The following FOXC2 variants were observed in gnomAD, a reference collection of about 807,000 sequenced individuals.
FOXC2 encodes forkhead box protein C2.
A neutral mutation model predicts 7.2 loss-of-function variants in FOXC2; 7 were observed. The observed-to-expected ratio is 0.97, with a 90% CI of 0.55 to 1.81. The LOEUF (loss-of-function observed/expected upper bound fraction) is 1.81, where lower values mean the gene tolerates loss of function less well. Ranked by LOEUF, FOXC2 falls within the 40% of genes most tolerant of loss-of-function variation. FOXC2 has a pLI of 0.00. For synonymous variants in FOXC2, 436 were observed against 350.4 expected (o/e 1.24, Z -2.73); for missense variants, 846 against 741.2 (o/e 1.14, Z -1.64).
chr16:86,568,484 C>A lies in FOXC2; in HGVS notation c.1149C>A (p.Ala383=), dbSNP rs1379344558. Residue 383 remains alanine (A), a synonymous_variant, in exon 1 of 1, where the codon GCC becomes GCA. Coordinates refer to ENST00000649859, the MANE Select transcript of FOXC2 (RefSeq NM_005251.3). The surrounding 1 kb of genome is among the most constrained non-coding windows in gnomAD (Gnocchi z 5.2). The stretch of plus-strand genomic sequence containing the variant: ...CCGCCGGCCAGGAGGGCGCGCTCGC[C>A]GCCACGGGCCACCACCACCAGCACC... The part of the protein sequence containing the change: ...NLAAGQEGAL[A]ATGHHHQHHG... 1 of 1,302,790 alleles carries A rather than the reference C, an allele frequency of 7.7e-7. No individual in the cohort carries two copies. Among genetic ancestry groups the A allele is most frequent in the Non-Finnish European group, 9.8e-7 (1 of 1,022,178 alleles). 80.7% of individuals were successfully genotyped at this position (1,302,790 alleles called of 1,614,324 possible). A position where few individuals can be genotyped will look rare whatever the true frequency, so the allele number is the denominator to read the frequency against.
chr16:86,567,744 G>A lies in FOXC2; in HGVS notation c.409G>A (p.Asp137Asn). 6.2e-7 allele frequency: 1 copy of A among 1,614,184 alleles called. No homozygotes were observed. Among genetic ancestry groups the A allele is most frequent in the Admixed American group, 1.7e-5 (1 of 60,036 alleles). ...GTGCTTCGTCAAGGTGCCCCGCGAC[G>A]ACAAGAAGCCCGGCAAGGGCAGTTA... Reference protein sequence around the residue: ...NECFVKVPRDDKKPGKGSYWT... With the variant: ...NECFVKVPRDNKKPGKGSYWT... Residue 137 changes from aspartate (D) to asparagine (N), a missense_variant, in exon 1 of 1, where the codon GAC (aspartate) becomes AAC (asparagine). Transcript: ENST00000649859.
At position 86,568,648 on chromosome 16, in the gene FOXC2, A is replaced by G; in HGVS notation, c.1313A>G (p.His438Arg). The change falls in exon 1 of 1, where the codon CAC becomes CGC. Residue 438 changes from histidine to arginine, a missense_variant. Coordinates refer to ENST00000649859, the MANE Select transcript of FOXC2 (RefSeq NM_005251.3). This position sits in a 1 kb window ranked among gnomAD's most constrained non-coding sequence, Gnocchi z 5.2. ...GGGGACCTGAACCACCTCCCCGGCC[A>G]CACGTTCGCGGCCCAGCAGCAAACT... ...HSGDLNHLPG[H>R]TFAAQQQTFP... The G allele has an allele frequency of 6.2e-7, 1 of 1,612,426 alleles. No individual in the cohort carries two copies. Among genetic ancestry groups the G allele is most frequent in the Non-Finnish European group, 8.5e-7 (1 of 1,179,880 alleles).
Position 86,568,059 on chromosome 16 carries a change from C to G in FOXC2, c.724C>G (p.Arg242Gly). The change falls in exon 1 of 1, where the codon CGC (arginine) becomes GGC (glycine). Residue 242 changes from arginine (R) to glycine (G), a missense_variant. By Grantham distance (125) the Arg-to-Gly change is moderately radical. Transcript: ENST00000649859. This position sits in a 1 kb window ranked among gnomAD's most constrained non-coding sequence, Gnocchi z 5.2. ...CGAGAGCGCGCTGCAGGGCAGCCCG[C>G]GCAGCGCGGCCTCCACGCCCGCCGG... ...SPESALQGSP[R>G]SAASTPAGSP... is the part of the protein sequence containing the mutation. 6.9e-7 allele frequency: 1 copy of G among 1,447,484 alleles called. No individual in the cohort carries two copies. Among genetic ancestry groups the G allele is most frequent in the Non-Finnish European group, 9.0e-7 (1 of 1,111,226 alleles). 89.7% of individuals were successfully genotyped at this position (1,447,484 alleles called of 1,614,324 possible).
At position 86,568,842 on chromosome 16, in the gene FOXC2, C is replaced by T. The variant is rs754202239; in HGVS notation, c.*1C>T. 2 of 1,612,652 alleles carry T rather than the reference C, an allele frequency of 1.2e-6. No individual in the cohort carries two copies. Among genetic ancestry groups the T allele is most frequent in the South Asian group, 2.2e-5 (2 of 91,054 alleles). On this transcript the variant is annotated 3_prime_UTR_variant, in exon 1 of 1. Coordinates refer to ENST00000649859, the MANE Select transcript of FOXC2 (RefSeq NM_005251.3). The surrounding 1 kb of genome is among the most constrained non-coding windows in gnomAD (Gnocchi z 5.2). ...CTCCTACGACTGCACGAAATACTGACGTGTCCCGGGACCTCCCCTCCCCGG... is the reference window on the plus strand; with the variant it reads ...CTCCTACGACTGCACGAAATACTGATGTGTCCCGGGACCTCCCCTCCCCGG...
In FOXC2 at chr16:86,567,106, C is replaced by A. The variant is rs1406479336; in HGVS notation, c.-230C>A. On this transcript the variant is annotated 5_prime_UTR_variant, in exon 1 of 1. Coordinates refer to ENST00000649859, the MANE Select transcript of FOXC2 (RefSeq NM_005251.3). ...GCGCTGCGCTTGCCCGGGGCGCGCC[C>A]TCCAGGATGCCGATCCGCCCGGTCC... The A allele has an allele frequency of 3.5e-6, 1 of 289,018 alleles. No homozygotes were observed. The highest frequency in any genetic ancestry group is 5.4e-5 in the Admixed American group (1 of 18,412). 17.9% of individuals were successfully genotyped at this position (289,018 alleles called of 1,614,324 possible). A position where few individuals can be genotyped will look rare whatever the true frequency, so the allele number is the denominator to read the frequency against.
chr16:86,567,258 T>C lies in FOXC2; in HGVS notation c.-78T>C. On this transcript the variant is annotated 5_prime_UTR_variant, in exon 1 of 1. Coordinates refer to ENST00000649859, the MANE Select transcript of FOXC2 (RefSeq NM_005251.3). ...CTCCCCCTCTGGCTCTCTCGCGCTC[T>C]CTCGCTCTCAGGGCCCCCCTCGCTC... 2 of 1,549,618 alleles carry C rather than the reference T, an allele frequency of 1.3e-6. No individual in the cohort carries two copies. The highest frequency in any genetic ancestry group is 1.4e-5 in the African/African-American group (1 of 73,636).
rs901865113 is a variant in FOXC2, at chr16:86,569,481, T to C, written c.*640T>C. 2 of 167,448 alleles carry C rather than the reference T, an allele frequency of 1.2e-5. No individual in the cohort carries two copies. Among genetic ancestry groups the C allele is most frequent in the Non-Finnish European group, 1.5e-5 (1 of 68,404 alleles). 10.4% of individuals were successfully genotyped at this position (167,448 alleles called of 1,614,324 possible). ...TACAATTATGAGATATAATTCTTTT[T>C]CCCATTGTAGGTCTTTTACAAAACA... On this transcript the variant is annotated 3_prime_UTR_variant, in exon 1 of 1. Transcript: ENST00000649859.
Position 86,567,350 on chromosome 16 carries a change from C to T in FOXC2, c.15C>T (p.Tyr5=). MQAR[Y]SVSDPNALGV... ...TCGGAAGCAGCATGCAGGCGCGCTA[C>T]TCCGTGTCCGACCCCAACGCCCTGG... is the stretch of plus-strand genomic sequence containing the variant. The change falls in exon 1 of 1, where the codon TAC becomes TAT. Residue 5 remains tyrosine (Y), a synonymous_variant. Transcript: ENST00000649859. 1.9e-6 allele frequency: 3 copies of T among 1,612,954 alleles called. No individual in the cohort carries two copies. Among genetic ancestry groups the T allele is most frequent in the Non-Finnish European group, 2.5e-6 (3 of 1,179,838 alleles).
Position 86,567,237 on chromosome 16 carries a change from C to T in FOXC2, c.-99C>T, listed in dbSNP as rs1408956782. 6 of 1,404,928 alleles carry T rather than the reference C, an allele frequency of 4.3e-6. No individual in the cohort carries two copies. The highest frequency in any genetic ancestry group is 4.9e-5 in the East Asian group (2 of 41,138). 87.0% of individuals were successfully genotyped at this position (1,404,928 alleles called of 1,614,324 possible). ...CGCCCCTCCCGCTCCCCTCCTCTCCCCCTCTGGCTCTCTCGCGCTCTCTCG... is the reference window on the plus strand; with the variant it reads ...CGCCCCTCCCGCTCCCCTCCTCTCCTCCTCTGGCTCTCTCGCGCTCTCTCG... On this transcript the variant is annotated 5_prime_UTR_variant, in exon 1 of 1. Transcript: ENST00000649859.
In FOXC2 at chr16:86,568,857, CCCCTCCCCGG is replaced by C. The variant is rs781441990; in HGVS notation, c.*20_*29del. 18 of 1,612,104 alleles carry C rather than the reference CCCCTCCCCGG, an allele frequency of 1.1e-5. No individual in the cohort carries two copies. Among genetic ancestry groups the C allele is most frequent in the Non-Finnish European group, 1.4e-5 (16 of 1,179,468 alleles). On this transcript the variant is annotated 3_prime_UTR_variant, in exon 1 of 1. Transcript: ENST00000649859. The surrounding 1 kb of genome is among the most constrained non-coding windows in gnomAD (Gnocchi z 5.2). ...GAAATACTGACGTGTCCCGGGACCT[CCCCTCCCCGG>C]CCCGCTCCGGCTTCGCTTCCCAGCC...
chr16:86,568,492 G>C lies in FOXC2; in HGVS notation c.1157G>C (p.Gly386Ala). The C allele has an allele frequency of 7.7e-7, 1 of 1,302,124 alleles. No homozygotes were observed. Among genetic ancestry groups the C allele is most frequent in the South Asian group, 2.1e-5 (1 of 48,300 alleles). 80.7% of individuals were successfully genotyped at this position (1,302,124 alleles called of 1,614,324 possible). The change falls in exon 1 of 1, where the codon GGC becomes GCC. Residue 386 changes from glycine to alanine, a missense_variant. Gly to Ala is a moderately conservative substitution (Grantham distance 60). This residue lies in a region of FOXC2 where 640 missense variants were observed against 503.2 expected (regional missense o/e 1.27). Transcript: ENST00000649859. The surrounding 1 kb of genome is among the most constrained non-coding windows in gnomAD (Gnocchi z 5.2). ...CAGGAGGGCGCGCTCGCCGCCACGGGCCACCACCACCAGCACCACGGCCAC... is the reference window on the plus strand; with the variant it reads ...CAGGAGGGCGCGCTCGCCGCCACGGCCCACCACCACCAGCACCACGGCCAC... ...AGQEGALAATGHHHQHHGHHH... is the reference protein window; with the variant it reads ...AGQEGALAATAHHHQHHGHHH...
In FOXC2 at chr16:86,568,999, C is replaced by T. The variant is rs1597403405; in HGVS notation, c.*158C>T. 10 of 981,790 alleles carry T rather than the reference C, an allele frequency of 1.0e-5. No individual in the cohort carries two copies. The African/African-American group carries it at 1.3e-4, about 13-fold the overall frequency. 60.8% of individuals were successfully genotyped at this position (981,790 alleles called of 1,614,324 possible). A position where few individuals can be genotyped will look rare whatever the true frequency, so the allele number is the denominator to read the frequency against. On this transcript the variant is annotated 3_prime_UTR_variant, in exon 1 of 1. Transcript: ENST00000649859. This position sits in a 1 kb window ranked among gnomAD's most constrained non-coding sequence, Gnocchi z 5.2. ...GAGCAGAGAGCGGGCACGCTAGCCC[C>T]CAGCCGTCTGTGAAGAGCGCAGGTA...
In FOXC2 at chr16:86,566,837, T is replaced by C. The variant is rs1052902004; in HGVS notation, c.-499T>C. On this transcript the variant is annotated 5_prime_UTR_variant, in exon 1 of 1. Transcript: ENST00000649859. The surrounding 1 kb of genome is among the most constrained non-coding windows in gnomAD (Gnocchi z 4.3). ...TCAGCAAGAAGACTTTTGAAACTTT[T>C]CCCAATCCCTAAAAGGGACTTGGCC... Among the ~76,000 whole-genome samples the C allele has an allele frequency of 1.3e-5, 2 of 152,278 alleles. No individual in the cohort carries two copies. Among genetic ancestry groups the C allele is most frequent in the African/African-American group, 2.4e-5 (1 of 41,588 alleles).
rs1974240324 is a variant in FOXC2 at position 86,568,792 on chromosome 16, C to T, written c.1457C>T (p.Pro486Leu). 6.2e-7 allele frequency: 1 copy of T among 1,612,936 alleles called. No homozygotes were observed. Among genetic ancestry groups the T allele is most frequent in the Admixed American group, 1.7e-5 (1 of 60,014 alleles). ...CAGCTGCCCTACAGATCCACGCCGCCTCTCTATCGCCACGCAGCCCCCTAC... is the reference window on the plus strand; with the variant it reads ...CAGCTGCCCTACAGATCCACGCCGCTTCTCTATCGCCACGCAGCCCCCTAC... Reference protein sequence around the residue: ...SCQLPYRSTPPLYRHAAPYSY... With the variant: ...SCQLPYRSTPLLYRHAAPYSY... The change falls in exon 1 of 1, where the codon CCT (proline) becomes CTT (leucine). Residue 486 changes from proline to leucine, a missense_variant. Physicochemically the swap from Pro to Leu is moderately conservative, Grantham distance 98. This residue lies in a region of FOXC2 where 640 missense variants were observed against 503.2 expected (regional missense o/e 1.27). Coordinates refer to ENST00000649859, the MANE Select transcript of FOXC2 (RefSeq NM_005251.3). The surrounding 1 kb of genome is among the most constrained non-coding windows in gnomAD (Gnocchi z 5.2).
Position 86,567,603 on chromosome 16 carries a change from G to C in FOXC2, c.268G>C (p.Glu90Gln), listed in dbSNP as rs779124969. 1 of 1,614,102 alleles carries C rather than the reference G, an allele frequency of 6.2e-7. No individual in the cohort carries two copies. The highest frequency in any genetic ancestry group is 8.5e-7 in the Non-Finnish European group (1 of 1,180,000). The change falls in exon 1 of 1, where the codon GAG becomes CAG. Residue 90 changes from glutamate (E) to glutamine (Q), a missense_variant. Around this residue, in one of 3 missense-constraint regions of FOXC2, gnomAD observed 154 missense variants for 134.2 expected, o/e 1.15. Transcript: ENST00000649859. Reference sequence around the variant, plus strand: ...CACCATGGCCATCCAGAACGCGCCCGAGAAGAAGATCACCTTGAACGGCAT... The same window carrying C: ...CACCATGGCCATCCAGAACGCGCCCCAGAAGAAGATCACCTTGAACGGCAT... Reference protein sequence around the residue: ...LITMAIQNAPEKKITLNGIYQ... With the variant: ...LITMAIQNAPQKKITLNGIYQ...
chr16:86,567,716 C>T lies in FOXC2; in HGVS notation c.381C>T (p.Asn127=), dbSNP rs1427698382. 2.5e-6 allele frequency: 4 copies of T among 1,614,212 alleles called. No individual in the cohort carries two copies. The highest frequency in any genetic ancestry group is 2.2e-5 in the South Asian group (2 of 91,086). The change falls in exon 1 of 1, where the codon AAC becomes AAT. Residue 127 remains asparagine, a synonymous_variant. Transcript: ENST00000649859. ...QNSIRHNLSL[N]ECFVKVPRDD... is the part of the protein sequence containing the mutation. ...GCATCCGCCACAACCTCTCGCTCAA[C>T]GAGTGCTTCGTCAAGGTGCCCCGCG...
chr16:86,568,231 C>T lies in FOXC2; in HGVS notation c.896C>T (p.Pro299Leu). 3 of 1,273,714 alleles carry T rather than the reference C, an allele frequency of 2.4e-6. No homozygotes were observed. The highest frequency in any genetic ancestry group is 3.3e-5 in the East Asian group (1 of 30,136). The allele number at this position is 1,273,714 out of a possible 1,614,324, so 78.9% of individuals were successfully genotyped here. Residue 299 changes from proline (P) to leucine (L), a missense_variant, in exon 1 of 1, where the codon CCG (proline) becomes CTG (leucine). Transcript: ENST00000649859. This position sits in a 1 kb window ranked among gnomAD's most constrained non-coding sequence, Gnocchi z 5.2. ...PGAGRAGLVVPPLALPYAAAP... is the reference protein window; with the variant it reads ...PGAGRAGLVVLPLALPYAAAP... ...GCCGGACGCGCGGGCCTGGTGGTGC[C>T]GCCGCTGGCGCTGCCCTACGCCGCC...
Position 86,568,823 on chromosome 16 carries a change from C to A in FOXC2, c.1488C>A (p.Tyr496Ter). 6.2e-7 allele frequency: 1 copy of A among 1,612,970 alleles called. No individual in the cohort carries two copies. The highest frequency in any genetic ancestry group is 1.7e-5 in the Admixed American group (1 of 60,028). Residue 496 changes from tyrosine to a stop codon, truncating the protein, a stop_gained, in exon 1 of 1, where the codon TAC (tyrosine) becomes TAA (stop). Transcript: ENST00000649859. LOFTEE classifies it high-confidence loss of function. The surrounding 1 kb of genome is among the most constrained non-coding windows in gnomAD (Gnocchi z 5.2). ...ATCGCCACGCAGCCCCCTACTCCTACGACTGCACGAAATACTGACGTGTCC... is the reference window on the plus strand; with the variant it reads ...ATCGCCACGCAGCCCCCTACTCCTAAGACTGCACGAAATACTGACGTGTCC... ...PLYRHAAPYS[Y>*]DCTKY
Position 86,567,155 on chromosome 16 carries a change from GGCCCGAGCGCCGCC to G in FOXC2, c.-175_-162del. 1 of 591,398 alleles carries G rather than the reference GGCCCGAGCGCCGCC, an allele frequency of 1.7e-6. No individual in the cohort carries two copies. Among genetic ancestry groups the G allele is most frequent in the Non-Finnish European group, 2.8e-6 (1 of 359,848 alleles). The allele number at this position is 591,398 out of a possible 1,614,324, so 36.6% of individuals were successfully genotyped here. A position where few individuals can be genotyped will look rare whatever the true frequency, so the allele number is the denominator to read the frequency against. Reference sequence around the variant, plus strand: ...CCGCTGAAAGCGCGCGCCCCTGCTCGGCCCGAGCGCCGCCGCCCGCGCACCCTCGCCCCGGAGGC... The same window carrying G: ...CCGCTGAAAGCGCGCGCCCCTGCTCGGCCCGCGCACCCTCGCCCCGGAGGC... On this transcript the variant is annotated 5_prime_UTR_variant, in exon 1 of 1. Transcript: ENST00000649859.
Sources: gnomAD v4.1 joint callset for allele counts (sites outside exome capture counted in the v4.1 genomes callset) on GRCh38, gnomAD v4.1.1 for gene constraint, gnomAD v4.1.1 regional missense constraint, Gnocchi (gnomAD v3.1) non-coding constraint, MANE v1.5 for transcripts, NCBI Gene and HGNC (gene_info 2026-07-23, HGNC 2026-07-21) for gene names.